The following CENPO variants were observed in gnomAD, a reference collection of about 807,000 sequenced individuals.
CENPO encodes centromere protein O.
Under a neutral mutation model 36.1 loss-of-function variants are expected in CENPO, and 30 were observed. That is an observed-to-expected ratio of 0.83 (90% confidence interval 0.62 to 1.13). CENPO has a LOEUF of 1.13. Ranked by LOEUF, CENPO falls within the 50% of genes most tolerant of loss-of-function variation. CENPO has a pLI of 0.00. For missense variants in CENPO, 349 were observed against 357.8 expected (o/e 0.98, Z 0.20); for synonymous variants, 171 against 142.3 (o/e 1.20, Z -1.44).
Position 24,821,775 on chromosome 2 carries a change from A to G in CENPO, c.*2457A>G. The stretch of plus-strand genomic sequence containing the variant: ...CAAGGCCTTACTTTTCCTCCCACAA[A>G]GGAGTCGCAGCCACGCTAGCTCTGA... On this transcript the variant is annotated 3_prime_UTR_variant, in exon 8 of 8. Transcript: ENST00000380834. The G allele has an allele frequency of 1.5e-6, 2 of 1,344,112 alleles. No homozygotes were observed. The highest frequency in any genetic ancestry group is 2.0e-6 in the Non-Finnish European group (2 of 994,436). 83.3% of individuals were successfully genotyped at this position (1,344,112 alleles called of 1,614,324 possible).
rs150578055 is a variant in CENPO at position 24,816,796 on chromosome 2, G to T, written c.745G>T (p.Asp249Tyr). The change falls in exon 6 of 8, where the codon GAC becomes TAC. Residue 249 changes from aspartate to tyrosine, a missense_variant. Physicochemically the swap from Asp to Tyr is radical, Grantham distance 160. Transcript: ENST00000380834. Reference protein sequence around the residue: ...YKDLTATLPTDVTVTCQGVEV... With the variant: ...YKDLTATLPTYVTVTCQGVEV... The stretch of plus-strand genomic sequence containing the variant: ...GGACCTCACAGCAACTCTTCCCACT[G>T]ACGTCACCGTGACATGTCAAGGTAA... 3.7e-6 allele frequency: 6 copies of T among 1,604,184 alleles called. No homozygotes were observed. The highest frequency in any genetic ancestry group is 5.1e-6 in the Non-Finnish European group (6 of 1,175,468).
Position 24,815,478 on chromosome 2 carries a change from G to A in CENPO, c.335-19G>A, listed in dbSNP as rs1558380931. Reference sequence around the variant, plus strand: ...ACCTTGGCCTGCTGTCTATTGAGGTGTCTTCTTGTTTGCCTCAGGCCTCAG... The same window carrying A: ...ACCTTGGCCTGCTGTCTATTGAGGTATCTTCTTGTTTGCCTCAGGCCTCAG... On this transcript the variant is annotated intron_variant, in intron 4 of 7. Coordinates refer to ENST00000380834, the MANE Select transcript of CENPO (RefSeq NM_001322101.2). 2 of 1,611,774 alleles carry A rather than the reference G, an allele frequency of 1.2e-6. No homozygotes were observed. Among genetic ancestry groups the A allele is most frequent in the East Asian group, 4.5e-5 (2 of 44,862 alleles).
At position 24,819,743 on chromosome 2, in the gene CENPO, C is replaced by T. The variant is rs1667255738; in HGVS notation, c.*425C>T. The T allele has an allele frequency of 8.0e-6, 5 of 628,836 alleles. No homozygotes were observed. Among genetic ancestry groups the T allele is most frequent in the Non-Finnish European group, 1.4e-5 (5 of 361,046 alleles). 39.0% of individuals were successfully genotyped at this position (628,836 alleles called of 1,614,324 possible). ...GCCTAAGACCCCTATGCTGGGGACA[C>T]TACAGGCACACACAGGAATAGCAGG... On this transcript the variant is annotated 3_prime_UTR_variant, in exon 8 of 8. Transcript: ENST00000380834.
rs1407209442 is a variant in CENPO, at chr2:24,799,769, T to A, written c.141T>A (p.Ala47=). The change falls in exon 3 of 8, where the codon GCT becomes GCA. Residue 47 remains alanine, a synonymous_variant. Coordinates refer to ENST00000380834, the MANE Select transcript of CENPO (RefSeq NM_001322101.2). Reference sequence around the variant, plus strand: ...AGAGCGTGCAGGCCCAGGAAGGTGCTCTTGGAACCAAGATTCATAAACTAA... The same window carrying A: ...AGAGCGTGCAGGCCCAGGAAGGTGCACTTGGAACCAAGATTCATAAACTAA... ...ELQSVQAQEG[A]LGTKIHKLRR... 1.9e-6 allele frequency: 3 copies of A among 1,614,038 alleles called. No individual in the cohort carries two copies. Among genetic ancestry groups the A allele is most frequent in the Middle Eastern group, 3.3e-4 (2 of 5,978 alleles).
In CENPO at chr2:24,793,883, C is replaced by T. The variant is rs1194177144; in HGVS notation, c.-37C>T. 1.2e-6 allele frequency: 2 copies of T among 1,614,114 alleles called. No homozygotes were observed. The highest frequency in any genetic ancestry group is 2.2e-5 in the East Asian group (1 of 44,888). On this transcript the variant is annotated 5_prime_UTR_variant, in exon 2 of 8. Transcript: ENST00000380834. ...CATTGGAGTCCCTATCACCGGTTGC[C>T]TAGACAACTTCATGGGAAGGCCCTT...
chr2:24,802,007 T>C (rs1251676010), intron 3 of CENPO, among the ~76,000 whole-genome samples: 5 of 152,238 alleles, frequency 3.3e-5, no homozygotes, highest in South Asian at 2.1e-4. Context: ...TTTCGTTGAT[T>C]AGTGGTTTGT....
At chr2:24,808,412 G>C (rs1296987892) in intron 3 of CENPO, among the ~76,000 whole-genome samples, 1 of 152,004 alleles carries the variant, frequency 6.6e-6, no homozygotes, top group Admixed American at 6.6e-5. Context: ...TTGTTGGCCA[G>C]GCTAGTCTCG....
rs1226922605 is a variant in CENPO, at chr2:24,820,985, G to A, written c.*1667G>A. 3.1e-6 allele frequency: 4 copies of A among 1,269,888 alleles called. No homozygotes were observed. Among genetic ancestry groups the A allele is most frequent in the African/African-American group, 1.5e-5 (1 of 66,354 alleles). 78.7% of individuals were successfully genotyped at this position (1,269,888 alleles called of 1,614,324 possible). On this transcript the variant is annotated 3_prime_UTR_variant, in exon 8 of 8. Transcript: ENST00000380834. ...TTGTCCTCATTCAACTTGGCTGTAT[G>A]CTATTGGAGGGTGGAAATCACATCT... is the stretch of plus-strand genomic sequence containing the variant.
intron 3 of CENPO, among the ~76,000 whole-genome samples, chr2:24,803,481 C>T (rs1271088967): frequency 3.3e-5 from 5 of 152,124 alleles, no homozygotes; most frequent in South Asian, 4.2e-4. Flanking sequence ...TATAAATTTC[C>T]GTCTACACAC....
chr2:24,796,581 G>A (rs1394419829), intron 2 of CENPO, among the ~76,000 whole-genome samples: 1 of 152,156 alleles, frequency 6.6e-6, no homozygotes, highest in Admixed American at 6.5e-5. Context: ...GGGAAGCCGA[G>A]GTGGGAGGAT....
intron 7 of CENPO, among the ~76,000 whole-genome samples, 170 bp downstream of exon 7, chr2:24,818,011 T>C (rs945610827): frequency 6.6e-6 from 1 of 152,000 alleles, no homozygotes. Context: ...GGTCCCTTCT[T>C]AAAATGCTCA....
intron 6 of CENPO, 48 bp downstream of exon 6, chr2:24,816,865 G>C: frequency 1.3e-6 from 2 of 1,517,886 alleles, no homozygotes; most frequent in Non-Finnish European, 1.8e-6. Context: ...CAGTTTATTT[G>C]AGTGAAACAG....
chr2:24,813,151 G>T (rs925592383), intron 3 of CENPO, among the ~76,000 whole-genome samples: 6 of 152,050 alleles, frequency 3.9e-5, no homozygotes, highest in Admixed American at 1.3e-4. Flanking sequence ...GAGGCTGAGG[G>T]AGGAGAATGG....
rs7565897 is a variant in CENPO at position 24,803,751 on chromosome 2, A to G, written c.216+3907A>G. The stretch of plus-strand genomic sequence containing the variant: ...GCTGAGGAGTGTTTTACTTCCAACT[A>G]TGTGGTCAATTTTGGAATAGGTGTG... On this transcript the variant is annotated intron_variant, in intron 3 of 7. Coordinates refer to ENST00000380834, the MANE Select transcript of CENPO (RefSeq NM_001322101.2). Among the ~76,000 whole-genome samples, 699 of 152,252 alleles carry G rather than the reference A, an allele frequency of 4.6e-3. 9 individuals carry two copies. Among genetic ancestry groups the G allele is most frequent in the African/African-American group, 0.016 (678 of 41,544 alleles).
At chr2:24,814,235 G>A in intron 3 of CENPO, 141 bp from the exon 4 acceptor site, 1 of 671,202 alleles carries the variant, frequency 1.5e-6, no homozygotes, top group South Asian at 1.7e-5. Context: ...TGAATTCATA[G>A]CAATAACTGA....
chr2:24,818,006 C>G (rs1468468757), intron 7 of CENPO, among the ~76,000 whole-genome samples, 165 bp downstream of exon 7: 1 of 143,658 alleles, frequency 7.0e-6, no homozygotes, highest in African/African-American at 2.5e-5. Flanking sequence ...CACCTGGTCC[C>G]TTCTTAAAAT....
intron 2 of CENPO, 86 bp from the exon 3 acceptor site, chr2:24,799,589 G>T: frequency 5.0e-6 from 5 of 996,290 alleles, no homozygotes; most frequent in Non-Finnish European, 7.2e-6. Flanking sequence ...AAAAAAAAGA[G>T]TCACCTGTTC....
intron 3 of CENPO, among the ~76,000 whole-genome samples, chr2:24,803,628 G>T (rs1371629602): frequency 2.6e-5 from 4 of 152,180 alleles, no homozygotes; most frequent in Non-Finnish European, 5.9e-5. Flanking sequence ...TTTCCATGTA[G>T]TTGAGTGGTT....
chr2:24,820,007 C>T lies in CENPO; in HGVS notation c.*689C>T. 2 of 1,612,762 alleles carry T rather than the reference C, an allele frequency of 1.2e-6. No homozygotes were observed. Among genetic ancestry groups the T allele is most frequent in the East Asian group, 2.2e-5 (1 of 44,666 alleles). ...GGAAGGTGGCTAGCTTATCCCGCCC[C>T]TTCAAGAAGAAGGTCAGCAGCTCCC... On this transcript the variant is annotated 3_prime_UTR_variant, in exon 8 of 8. Coordinates refer to ENST00000380834, the MANE Select transcript of CENPO (RefSeq NM_001322101.2).
Sources: allele counts gnomAD v4.1 joint callset (sites outside exome capture counted in the v4.1 genomes callset), GRCh38; gene constraint gnomAD v4.1.1; transcripts MANE v1.5; gene names NCBI Gene and HGNC (gene_info 2026-07-23, HGNC 2026-07-21).